RAB10: variants seen among roughly 807,000 people sequenced by gnomAD.
The protein encoded by RAB10 is RAB10, member RAS oncogene family, also known as ras-related protein Rab-10.
In RAB10, 5 loss-of-function variants were observed where a neutral mutation model predicts 25.7. The observed-to-expected ratio is 0.19, with a 90% confidence interval of 0.10 to 0.41. RAB10 has a LOEUF of 0.41. Among genes scored for constraint, RAB10 ranks in the 10% least tolerant of loss-of-function variants. The pLI is 1.00. For missense variants in RAB10, 103 were observed against 245.8 expected, an observed-to-expected ratio of 0.42 and a Z score of 3.89; for synonymous variants, 89 against 86.4, an observed-to-expected ratio of 1.03 and a Z score of -0.16.
At chr2:26,084,438 T>C (rs1283873917) in intron 1 of RAB10, among the ~76,000 whole-genome samples, 1 of 152,228 alleles carries the variant, frequency 6.6e-6, no homozygotes, top group Admixed American at 6.5e-5. Context: ...AAAAAGTGAA[T>C]GATATCGCAA....
upstream of RAB10, among the ~76,000 whole-genome samples, chr2:26,033,725 C>G (rs919850394): frequency 3.3e-5 from 5 of 152,150 alleles, no homozygotes; most frequent in African/African-American, 2.4e-5. Flanking sequence ...AGCGGGAGAC[C>G]CCGGGAGGGG....
chr2:26,112,466 A>G (rs1469418665), intron 3 of RAB10, among the ~76,000 whole-genome samples: 1 of 152,202 alleles, frequency 6.6e-6, no homozygotes, highest in African/African-American at 2.4e-5. Flanking sequence ...GTCACTCAGG[A>G]AATTGGGAGG....
intron 1 of RAB10, among the ~76,000 whole-genome samples, chr2:26,095,268 C>T (rs1165772712): frequency 6.6e-6 from 1 of 152,110 alleles, no homozygotes; most frequent in East Asian, 1.9e-4. Flanking sequence ...TTACTTAAAG[C>T]CTCCAGACCT....
At chr2:26,062,922 C>T (rs1454535883) in intron 1 of RAB10, among the ~76,000 whole-genome samples, 3 of 151,772 alleles carry the variant, frequency 2.0e-5, no homozygotes, top group African/African-American at 4.8e-5. Flanking sequence ...CGAGACCAGC[C>T]TGGCCAACGT....
At chr2:26,049,629 G>A (rs1225115265) in intron 1 of RAB10, among the ~76,000 whole-genome samples, 2 of 151,948 alleles carry the variant, frequency 1.3e-5, no homozygotes, top group Non-Finnish European at 2.9e-5. Context: ...GGCTGGTCTC[G>A]AAATTCTGAC....
intron 3 of RAB10, among the ~76,000 whole-genome samples, chr2:26,115,157 A>C (rs1667658568): frequency 1.3e-5 from 2 of 152,242 alleles, no homozygotes; most frequent in Admixed American, 1.3e-4. Context: ...AGAAAGATGC[A>C]GCTGGTTTGG....
intron 1 of RAB10, among the ~76,000 whole-genome samples, chr2:26,047,770 C>T (rs549413561): frequency 1.9e-4 from 25 of 130,218 alleles, no homozygotes; most frequent in Non-Finnish European, 1.1e-4. Context: ...GTTGCCCAGG[C>T]TGGAGTGCAG....
Position 26,100,474 on chromosome 2 carries a change from A to T in RAB10, c.188+1752A>T, listed in dbSNP as rs957675777. On this transcript the variant is annotated intron_variant, in intron 2 of 5. Coordinates refer to ENST00000264710, the MANE Select transcript of RAB10 (RefSeq NM_016131.5). ...GTGAAATCCTACTTTTCCCACTGAC[A>T]TTATAAAAAAGAAGTGATACGTTTC... is the stretch of plus-strand genomic sequence containing the variant. Among the ~76,000 whole-genome samples, 17 of 152,326 alleles carry T rather than the reference A, an allele frequency of 1.1e-4. No homozygotes were observed. The South Asian group carries it at 2.5e-3, about 22-fold the overall frequency.
chr2:26,108,650 G>A (rs1040543538), intron 2 of RAB10, among the ~76,000 whole-genome samples: 1 of 151,594 alleles, frequency 6.6e-6, no homozygotes, highest in African/African-American at 2.4e-5. Context: ...AATAAGGTCT[G>A]TAGATTGTAT....
intron 1 of RAB10, among the ~76,000 whole-genome samples, chr2:26,097,313 G>A (rs1215824608): frequency 6.6e-6 from 1 of 151,990 alleles, no homozygotes; most frequent in Non-Finnish European, 1.5e-5. Context: ...TCACTCTGTC[G>A]CCCAGGCTGG....
chr2:26,099,207 A>T (rs1163810000), intron 2 of RAB10, among the ~76,000 whole-genome samples: 1 of 56,904 alleles, frequency 1.8e-5, no homozygotes, highest in African/African-American at 9.7e-5. Context: ...AATATTTTCC[A>T]GCAAATGTGT....
intron 1 of RAB10, among the ~76,000 whole-genome samples, chr2:26,079,432 A>G (rs1053131401): frequency 6.6e-6 from 1 of 152,138 alleles, no homozygotes; most frequent in African/African-American, 2.4e-5. Context: ...TGTTGAAGAA[A>G]GAAGTTGAAA....
At chr2:26,123,643 C>T (rs558495579) in intron 3 of RAB10, among the ~76,000 whole-genome samples, 8 of 152,200 alleles carry the variant, frequency 5.3e-5, no homozygotes, top group South Asian at 4.1e-4. Flanking sequence ...TCCAAACCAG[C>T]GTTGGACGAT....
chr2:26,078,361 A>G (rs1666783860), intron 1 of RAB10, among the ~76,000 whole-genome samples: 1 of 152,244 alleles, frequency 6.6e-6, no homozygotes, highest in Admixed American at 6.5e-5. Context: ...TGTATAATGA[A>G]AACAGTCTTG....
chr2:26,084,244 T>C (rs1398620673), intron 1 of RAB10, among the ~76,000 whole-genome samples: 1 of 152,246 alleles, frequency 6.6e-6, no homozygotes, highest in African/African-American at 2.4e-5. Flanking sequence ...CCTCCTGTTC[T>C]TGTTCATAGG....
chr2:26,049,464 A>C (rs1295560506), intron 1 of RAB10, among the ~76,000 whole-genome samples: 1 of 148,642 alleles, frequency 6.7e-6, no homozygotes, highest in Non-Finnish European at 1.5e-5. Context: ...GCTGGAGTGC[A>C]GTGGCACGAT....
intron 3 of RAB10, among the ~76,000 whole-genome samples, chr2:26,111,601 CA>C (rs1167565871): frequency 1.3e-5 from 1 of 75,352 alleles, no homozygotes; most frequent in Non-Finnish European, 2.8e-5. Flanking sequence ...AGCGAAACTC[CA>C]TCTCAAAAAA....
At chr2:26,095,007 T>C (rs564463555) in intron 1 of RAB10, among the ~76,000 whole-genome samples, 68 of 152,360 alleles carry the variant, frequency 4.5e-4, no homozygotes, top group African/African-American at 1.6e-3. Flanking sequence ...TAGAGTTTTA[T>C]TTGTGGGAAT....
intron 1 of RAB10, among the ~76,000 whole-genome samples, chr2:26,085,289 G>C (rs1010267888): frequency 6.6e-6 from 1 of 151,870 alleles, no homozygotes; most frequent in Admixed American, 6.6e-5. Flanking sequence ...AGGAGTTTGA[G>C]ACCAGCCTGA....
Sources: gnomAD v4.1 joint callset for allele counts (sites outside exome capture counted in the v4.1 genomes callset) on GRCh38, gnomAD v4.1.1 for gene constraint, MANE v1.5 for transcripts, NCBI Gene and HGNC (gene_info 2026-07-23, HGNC 2026-07-21) for gene names.